The following HS6ST3 variants were observed in gnomAD, a reference collection of about 807,000 sequenced individuals.
HS6ST3 encodes heparan-sulfate 6-O-sulfotransferase 3.
In HS6ST3, 12 loss-of-function variants were observed where a neutral mutation model predicts 36.7. The observed-to-expected ratio is 0.33, with a 90% CI of 0.21 to 0.53. The LOEUF (loss-of-function observed/expected upper bound fraction) is 0.53, where lower values mean the gene tolerates loss of function less well. Among genes scored for constraint, HS6ST3 ranks in the 20% least tolerant of loss-of-function variants. The pLI is 0.95. For missense variants in HS6ST3, 584 were observed against 640.9 expected, an observed-to-expected ratio of 0.91 and a Z score of 0.96; for synonymous variants, 240 against 257.5, an observed-to-expected ratio of 0.93 and a Z score of 0.65.
intron 1 of HS6ST3, among the ~76,000 whole-genome samples, chr13:96,481,971 C>T (rs1190294765): frequency 2.6e-5 from 4 of 151,966 alleles, no homozygotes; most frequent in African/African-American, 7.3e-5. Flanking sequence ...TCGCAACGTG[C>T]TCACTTCTTT....
intron 1 of HS6ST3, among the ~76,000 whole-genome samples, chr13:96,411,437 T>C (rs1214558976): frequency 6.6e-6 from 1 of 152,144 alleles, no homozygotes; most frequent in Non-Finnish European, 1.5e-5. Context: ...AAGGTTGAGA[T>C]GGGTGAGATA....
intron 1 of HS6ST3, among the ~76,000 whole-genome samples, chr13:96,664,457 A>G (rs945149736): frequency 4.6e-5 from 7 of 152,186 alleles, no homozygotes; most frequent in Non-Finnish European, 1.0e-4. Context: ...CCAAGCCAAT[A>G]TAGATCAAAA....
At chr13:96,272,562 A>G (rs2054726277) in intron 1 of HS6ST3, among the ~76,000 whole-genome samples, 1 of 151,980 alleles carries the variant, frequency 6.6e-6, no homozygotes, top group South Asian at 2.1e-4. Context: ...TAGTAGATGG[A>G]AAATTCTGGG....
intron 1 of HS6ST3, among the ~76,000 whole-genome samples, chr13:96,218,301 C>T (rs574453830): frequency 1.2e-4 from 19 of 152,154 alleles, no homozygotes; most frequent in South Asian, 1.2e-3. Flanking sequence ...TCCTCTCTCC[C>T]TCTAGTTGCC....
intron 1 of HS6ST3, among the ~76,000 whole-genome samples, chr13:96,378,145 A>G (rs977475733): frequency 1.3e-5 from 2 of 152,156 alleles, no homozygotes; most frequent in Admixed American, 1.3e-4. Context: ...ATGCTATTGA[A>G]TACTGGGCTT....
At position 96,833,087 on chromosome 13, in the gene HS6ST3, G is replaced by A. The variant is rs369533483; in HGVS notation, c.1305G>A (p.Arg435=). The A allele has an allele frequency of 1.2e-6, 2 of 1,609,696 alleles. No individual in the cohort carries two copies. The highest frequency in any genetic ancestry group is 2.7e-5 in the African/African-American group (2 of 74,944). The change falls in exon 2 of 2, where the codon CGG becomes CGA. Residue 435 remains arginine (R), a synonymous_variant. Transcript: ENST00000376705. Reference sequence around the variant, plus strand: ...ACCAGAGGGACCGCCAGAAGCGGCGGGAGGAGCGGAGGCTGCAGCGAGAGC... The same window carrying A: ...ACCAGAGGGACCGCCAGAAGCGGCGAGAGGAGCGGAGGCTGCAGCGAGAGC... ...LEHQRDRQKR[R]EERRLQREHR...
At chr13:96,092,375 A>G (rs972672869) in intron 1 of HS6ST3, among the ~76,000 whole-genome samples, 1 of 152,214 alleles carries the variant, frequency 6.6e-6, no homozygotes, top group Admixed American at 6.5e-5. Context: ...CCTGCCTCCC[A>G]GCCTTAAAAA....
intron 1 of HS6ST3, among the ~76,000 whole-genome samples, chr13:96,107,569 T>C (rs1238691311): frequency 6.6e-6 from 1 of 152,080 alleles, no homozygotes; most frequent in African/African-American, 2.4e-5. Flanking sequence ...TGTGGGAATA[T>C]AATTATTCTT....
intron 1 of HS6ST3, among the ~76,000 whole-genome samples, chr13:96,309,304 A>G (rs1027370317): frequency 2.0e-5 from 3 of 152,124 alleles, no homozygotes; most frequent in Non-Finnish European, 4.4e-5. Flanking sequence ...AGAGTGTTCA[A>G]TAGGTACTGT....
At chr13:96,785,168 A>G (rs1248362935) in intron 1 of HS6ST3, among the ~76,000 whole-genome samples, 1 of 144,726 alleles carries the variant, frequency 6.9e-6, no homozygotes, top group African/African-American at 2.5e-5. Flanking sequence ...GACCCTGTCT[A>G]AAAAAAAAAA....
intron 1 of HS6ST3, among the ~76,000 whole-genome samples, chr13:96,440,153 A>G (rs1453181821): frequency 6.6e-6 from 1 of 152,194 alleles, no homozygotes; most frequent in Non-Finnish European, 1.5e-5. Context: ...TAGTATAGAA[A>G]CAAAGAGGGT....
rs550565820 is a variant in HS6ST3 at position 96,131,854 on chromosome 13, G to A, written c.707+40285G>A. Among the ~76,000 whole-genome samples the A allele has an allele frequency of 7.3e-5, 11 of 150,068 alleles. No individual in the cohort carries two copies. In the South Asian group the frequency reaches 1.7e-3, roughly 23 times the overall value. On this transcript the variant is annotated intron_variant, in intron 1 of 1. Coordinates refer to ENST00000376705, the MANE Select transcript of HS6ST3 (RefSeq NM_153456.4). ...TTTTTAAATTTGTAACCTGACAAAC[G>A]TCACAAAATTGTTAGGAAGTTTTCA...
At chr13:96,490,782 G>A (rs2055940880) in intron 1 of HS6ST3, among the ~76,000 whole-genome samples, 1 of 152,190 alleles carries the variant, frequency 6.6e-6, no homozygotes, top group Non-Finnish European at 1.5e-5. Flanking sequence ...TTGCAGGGTA[G>A]TAGGCAAACT....
chr13:96,774,015 T>G (rs1008259060), intron 1 of HS6ST3, among the ~76,000 whole-genome samples: 1 of 152,168 alleles, frequency 6.6e-6, no homozygotes, highest in Admixed American at 6.5e-5. Context: ...TGCAGCTTCC[T>G]CTGGTGATAC....
chr13:96,739,604 T>G (rs2138483783), intron 1 of HS6ST3, among the ~76,000 whole-genome samples: 1 of 152,270 alleles, frequency 6.6e-6, no homozygotes, highest in African/African-American at 2.4e-5. Flanking sequence ...TGGTCTGTTC[T>G]TGTGACACTG....
At chr13:96,449,287 A>G (rs2055715391) in intron 1 of HS6ST3, among the ~76,000 whole-genome samples, 1 of 152,130 alleles carries the variant, frequency 6.6e-6, no homozygotes, top group African/African-American at 2.4e-5. Context: ...TAGAATGACC[A>G]TGCTTACTAT....
chr13:96,823,806 G>T (rs1365229405), intron 1 of HS6ST3, among the ~76,000 whole-genome samples: 1 of 152,008 alleles, frequency 6.6e-6, no homozygotes, highest in Non-Finnish European at 1.5e-5. Flanking sequence ...TTTTAGTAGA[G>T]ATAGGGTTTC....
At chr13:96,162,577 G>A (rs1042253312) in intron 1 of HS6ST3, among the ~76,000 whole-genome samples, 5 of 152,182 alleles carry the variant, frequency 3.3e-5, no homozygotes, top group Admixed American at 6.5e-5. Flanking sequence ...ACACAGAGGC[G>A]ATACTTGAAG....
At chr13:96,720,507 G>A (rs1380206958) in intron 1 of HS6ST3, among the ~76,000 whole-genome samples, 1 of 152,076 alleles carries the variant, frequency 6.6e-6, no homozygotes, top group Admixed American at 6.5e-5. Context: ...AAAAAATGAA[G>A]AGAGAGTCTT....
Sources: allele counts gnomAD v4.1 joint callset (sites outside exome capture counted in the v4.1 genomes callset), GRCh38; gene constraint gnomAD v4.1.1; transcripts MANE v1.5; gene names NCBI Gene and HGNC (gene_info 2026-07-23, HGNC 2026-07-21).